Variants in FAT1 observed in about 807,000 individuals in gnomAD.
FAT1 encodes the protein FAT atypical cadherin 1.
In FAT1, 171 loss-of-function variants were observed where a neutral mutation model predicts 329.8. That is an observed-to-expected ratio of 0.52 (90% CI 0.46 to 0.59). The LOEUF is 0.59. Ranked by LOEUF, FAT1 falls within the 20% of genes least tolerant of loss-of-function variation. FAT1 has a pLI of 0.00. For missense variants in FAT1, 5,672 were observed against 5,774.4 expected (o/e 0.98, Z 0.57); for synonymous variants, 2,233 against 2,228.6 (o/e 1.00, Z -0.06).
At chr4:186,672,086 T>A (rs1395772372) in intron 2 of FAT1, among the ~76,000 whole-genome samples, 5 of 152,204 alleles carry the variant, frequency 3.3e-5, no homozygotes, top group African/African-American at 1.2e-4. Context: ...CTGGTGTTGC[T>A]AATCATAAAA....
At chr4:186,602,684 T>C (rs532272359) in intron 20 of FAT1, among the ~76,000 whole-genome samples, 1 of 152,268 alleles carries the variant, frequency 6.6e-6, no homozygotes, top group African/African-American at 2.4e-5. Flanking sequence ...ATATAATCAT[T>C]GAAGACACAG....
chr4:186,675,725 G>C (rs199719356), intron 2 of FAT1, among the ~76,000 whole-genome samples: 1 of 151,642 alleles, frequency 6.6e-6, no homozygotes, highest in Non-Finnish European at 1.5e-5. Context: ...CCAGGTGACA[G>C]AGTGAGACCC....
chr4:186,628,178 C>G lies in FAT1; in HGVS notation c.4786G>C (p.Glu1596Gln), dbSNP rs2126541698. ...ALDKDKGKNA[E>Q]VLYSIESGNI... Reference sequence around the variant, plus strand: ...CCTGACTCGATCGAGTACAGCACTTCAGCATTTTTCCCTTTGTCCTTGTCC... The same window carrying G: ...CCTGACTCGATCGAGTACAGCACTTGAGCATTTTTCCCTTTGTCCTTGTCC... The change falls in exon 9 of 27, where the codon GAA becomes CAA. Residue 1596 changes from glutamate (E) to glutamine (Q), a missense_variant. This residue lies in a region of FAT1 where 3,966 missense variants were observed against 3,915.2 expected (regional missense o/e 1.01). Coordinates refer to ENST00000441802, the MANE Select transcript of FAT1 (RefSeq NM_005245.4). 2 of 1,613,908 alleles carry G rather than the reference C, an allele frequency of 1.2e-6. No individual in the cohort carries two copies. Among genetic ancestry groups the G allele is most frequent in the South Asian group, 1.1e-5 (1 of 91,034 alleles).
At position 186,602,995 on chromosome 4, in the gene FAT1, T is replaced by C. The variant is rs372345072; in HGVS notation, c.11390A>G (p.Asp3797Gly). 12 of 1,613,878 alleles carry C rather than the reference T, an allele frequency of 7.4e-6. No homozygotes were observed. Among genetic ancestry groups the C allele is most frequent in the Non-Finnish European group, 1.0e-5 (12 of 1,179,900 alleles). Residue 3797 changes from aspartate (D) to glycine (G), a missense_variant, in exon 20 of 27, where the codon GAT becomes GGT. Around this residue, in one of 2 missense-constraint regions of FAT1, gnomAD observed 1,706 missense variants for 1,859.1 expected, o/e 0.92. Transcript: ENST00000441802. ...ACATTCGGATCCCTCAGGGCACGGATCATCTTCACAGCCATGGTGGACAGG... is the reference window on the plus strand; with the variant it reads ...ACATTCGGATCCCTCAGGGCACGGACCATCTTCACAGCCATGGTGGACAGG... ...CPPVHHGCED[D>G]PCPEGSECVS...
intron 17 of FAT1, among the ~76,000 whole-genome samples, chr4:186,605,060 A>C (rs182967712): frequency 1.3e-5 from 2 of 152,062 alleles, no homozygotes; most frequent in Admixed American, 1.3e-4. Flanking sequence ...CTCTACTAAA[A>C]ATACAAAAAT....
intron 2 of FAT1, among the ~76,000 whole-genome samples, chr4:186,698,653 G>A (rs931153556): frequency 6.6e-6 from 1 of 152,244 alleles, no homozygotes; most frequent in African/African-American, 2.4e-5. Flanking sequence ...GTAGAGGGCT[G>A]CACAGGGCAG....
chr4:186,717,400 ATGT>A (rs1171419767), intron 1 of FAT1, among the ~76,000 whole-genome samples: 1 of 152,194 alleles, frequency 6.6e-6, no homozygotes, highest in East Asian at 1.9e-4. Flanking sequence ...CTCCATTTAT[ATGT>A]TGTTATCTTT....
intron 2 of FAT1, 47 bp from the exon 3 acceptor site, chr4:186,663,660 A>T (rs2126619266): frequency 6.9e-7 from 1 of 1,458,764 alleles, no homozygotes. Context: ...AACGACCAAA[A>T]CTGCCAGCTT....
chr4:186,651,059 T>TATCTATTATTA (rs1198573528), intron 3 of FAT1, among the ~76,000 whole-genome samples: 1 of 149,214 alleles, frequency 6.7e-6, no homozygotes, highest in African/African-American at 2.4e-5. Context: ...TTAAATAATT[T>TATCTATTATTA]ATTTATTATT....
At chr4:186,644,160 C>T (rs988641125) in intron 3 of FAT1, among the ~76,000 whole-genome samples, 1 of 152,102 alleles carries the variant, frequency 6.6e-6, no homozygotes, top group East Asian at 1.9e-4. Flanking sequence ...CCTATCACAC[C>T]TGACTGCGTA....
At chr4:186,669,448 C>T (rs1383363350) in intron 2 of FAT1, among the ~76,000 whole-genome samples, 1 of 152,214 alleles carries the variant, frequency 6.6e-6, no homozygotes, top group Non-Finnish European at 1.5e-5. Context: ...GCAGTGCCAT[C>T]AGAAATCACG....
intron 2 of FAT1, among the ~76,000 whole-genome samples, chr4:186,693,793 C>T (rs1560997559): frequency 6.6e-6 from 1 of 152,198 alleles, no homozygotes; most frequent in Non-Finnish European, 1.5e-5. Context: ...AATATTGGCC[C>T]AAAGACAATA....
intron 3 of FAT1, among the ~76,000 whole-genome samples, chr4:186,640,521 T>C (rs1208413680): frequency 6.6e-6 from 1 of 152,172 alleles, no homozygotes; most frequent in Non-Finnish European, 1.5e-5. Context: ...GAAAATAAAG[T>C]GTTAACTCTA....
chr4:186,598,532 A>G (rs1243405634), intron 22 of FAT1: 3 of 154,268 alleles, frequency 1.9e-5, no homozygotes, highest in African/African-American at 4.8e-5. Flanking sequence ...ATTACCTTTC[A>G]ATATTTTTAT....
chr4:186,718,948 GAC>G (rs1745340668), intron 1 of FAT1, among the ~76,000 whole-genome samples: 1 of 151,950 alleles, frequency 6.6e-6, no homozygotes, highest in Admixed American at 6.6e-5. Context: ...TGACACCTTT[GAC>G]ACCACTCACT....
At chr4:186,677,302 T>C (rs456000) in intron 2 of FAT1, among the ~76,000 whole-genome samples, 26,209 of 152,122 alleles carry the variant, frequency 0.17, 2,646 homozygotes, top group African/African-American at 0.26. Context: ...TCACGGACAC[T>C]GATAACCTAG....
intron 3 of FAT1, among the ~76,000 whole-genome samples, chr4:186,652,901 C>A (rs953803451): frequency 6.6e-6 from 1 of 152,176 alleles, no homozygotes; most frequent in African/African-American, 2.4e-5. Context: ...AACTTTACTG[C>A]GTGCTTTAGG....
chr4:186,639,321 T>C (rs746342357), intron 4 of FAT1, among the ~76,000 whole-genome samples: 1 of 152,152 alleles, frequency 6.6e-6, no homozygotes, highest in Non-Finnish European at 1.5e-5. Flanking sequence ...TTGAAACAGA[T>C]CTATAAATAC....
chr4:186,619,532 G>A lies in FAT1; in HGVS notation c.7054C>T (p.Gln2352Ter), dbSNP rs2126506524. The change falls in exon 10 of 27, where the codon CAG (glutamine) becomes TAG (stop). Residue 2352 changes from glutamine to a stop codon, truncating the protein, a stop_gained. Transcript: ENST00000441802. LOFTEE classifies it high-confidence loss of function. ...ACAAAAATCGTGTGCTGCCGGGACT[G>A]CTCGTAATCCAGGGTTCTGAGTAGT... ...ISLLRTLDYEQSRQHTIFVRA... is the reference protein window; with the variant it reads ...ISLLRTLDYE 6.2e-7 allele frequency: 1 copy of A among 1,613,968 alleles called. No homozygotes were observed. Among genetic ancestry groups the A allele is most frequent in the Non-Finnish European group, 8.5e-7 (1 of 1,179,886 alleles).
Sources: gnomAD v4.1 joint callset for allele counts (sites outside exome capture counted in the v4.1 genomes callset) on GRCh38, gnomAD v4.1.1 for gene constraint, gnomAD v4.1.1 regional missense constraint, MANE v1.5 for transcripts, NCBI Gene and HGNC (gene_info 2026-07-23, HGNC 2026-07-21) for gene names.